MPND: variants seen among roughly 807,000 people sequenced by gnomAD.
MPND encodes MPN domain-containing protein.
MPND carries 56 observed loss-of-function variants against 59.2 expected under a neutral mutation model. The observed-to-expected ratio is 0.95, with a 90% CI of 0.76 to 1.18. The LOEUF (loss-of-function observed/expected upper bound fraction) is 1.18. Among genes scored for constraint, MPND ranks in the 50% most tolerant of loss-of-function variants. MPND has a pLI of 0.00. For synonymous variants in MPND, 323 were observed against 291.9 expected, an observed-to-expected ratio of 1.11 and a Z score of -1.09; for missense variants, 671 against 676.0, an observed-to-expected ratio of 0.99 and a Z score of 0.08.
chr19:4,357,187 C>T (rs985139404), intron 8 of MPND, 66 bp from the exon 9 acceptor site: 7 of 1,497,388 alleles, frequency 4.7e-6, no homozygotes, highest in Non-Finnish European at 5.3e-6. Context: ...CAGGGCTGGC[C>T]AGCCACATAA....
rs576975946 is a variant in MPND, at chr19:4,357,384, C to T, written c.1128C>T (p.Ser376=). 6.2e-7 allele frequency: 1 copy of T among 1,612,954 alleles called. No homozygotes were observed. Among genetic ancestry groups the T allele is most frequent in the South Asian group, 1.1e-5 (1 of 91,062 alleles). ...ACTACCAGCTGCGGCTGCAGGGCTC[C>T]AGCAATGGCTTCCAGCCCTGCCTCG... ...QMDYQLRLQG[S]SNGFQPCLAL... The change falls in exon 9 of 13, where the codon TCC becomes TCT. Residue 376 remains serine (S), a synonymous_variant. Transcript: ENST00000599840.
intron 3 of MPND, among the ~76,000 whole-genome samples, chr19:4,346,618 T>C (rs1397737385): frequency 1.3e-5 from 2 of 151,788 alleles, no homozygotes; most frequent in Admixed American, 6.6e-5. Context: ...GGTTTCACCA[T>C]GTTGCCTAGG....
At chr19:4,345,099 A>G (rs7245412) in intron 2 of MPND, among the ~76,000 whole-genome samples, 62,018 of 135,314 alleles carry the variant, frequency 0.46, 14,211 homozygotes, top group East Asian at 0.65. Context: ...CCAGGCTGGA[A>G]TGCAGTAGCA....
rs1972402265 is a variant in MPND at position 4,354,994 on chromosome 19, G to A, written c.892G>A (p.Gly298Arg). ...LTRSEVVGYL[G>R]GRWDVNSQML... ...ACGGAGTGAGGTCGTGGGTTACCTG[G>A]GGGGCCGCTGGGACGTCAACAGCCA... is the stretch of plus-strand genomic sequence containing the variant. The change falls in exon 7 of 13, where the codon GGG (glycine) becomes AGG (arginine). Residue 298 changes from glycine (G) to arginine (R), a missense_variant. Physicochemically the swap from Gly to Arg is moderately radical, Grantham distance 125. Transcript: ENST00000599840. The A allele has an allele frequency of 5.0e-6, 8 of 1,609,244 alleles. No individual in the cohort carries two copies. Among genetic ancestry groups the A allele is most frequent in the Non-Finnish European group, 6.8e-6 (8 of 1,176,970 alleles).
At chr19:4,359,850 G>A in intron 12 of MPND, 66 bp from the exon 13 acceptor site, 3 of 1,324,594 alleles carry the variant, frequency 2.3e-6, no homozygotes, top group Non-Finnish European at 3.1e-6. Context: ...TTGCACGGTG[G>A]ACTGTGAGGC....
At position 4,354,332 on chromosome 19, in the gene MPND, A is replaced by C. The variant is rs967925325; in HGVS notation, c.758A>C (p.His253Pro). ...LGSRDLARNP[H>P]TLVEVTSFAA... ...CCTCCTGGCCCCTACAGGAACCCCCACACCCTGGTGGAAGTAACATCCTTT... is the reference window on the plus strand; with the variant it reads ...CCTCCTGGCCCCTACAGGAACCCCCCCACCCTGGTGGAAGTAACATCCTTT... The change falls in exon 6 of 13, where the codon CAC (histidine) becomes CCC (proline). Residue 253 changes from histidine (H) to proline (P), a missense_variant. By Grantham distance (77) the His-to-Pro change is moderately conservative. Coordinates refer to ENST00000599840, the MANE Select transcript of MPND (RefSeq NM_001300862.2). 1 of 1,557,844 alleles carries C rather than the reference A, an allele frequency of 6.4e-7. No homozygotes were observed. The highest frequency in any genetic ancestry group is 8.7e-7 in the Non-Finnish European group (1 of 1,149,800).
Position 4,355,987 on chromosome 19 carries a change from A to AGTGCTG in MPND, c.996+815_996+816insTGCTGG, listed in dbSNP as rs144153994. 9.6e-3 allele frequency among the ~76,000 whole-genome samples: 1,442 copies of AGTGCTG among 150,488 alleles called. 30 individuals are homozygous for AGTGCTG. The highest frequency in any genetic ancestry group is 0.046 in the East Asian group (232 of 5,038). On this transcript the variant is annotated intron_variant, in intron 8 of 12. Transcript: ENST00000599840. ...TCCTGCCTCTGCCTCCTGAATACCT[A>AGTGCTG]GGATTACAGGTGTGCGCCACCATCT...
At chr19:4,358,302 C>A in intron 11 of MPND, 130 bp downstream of exon 11, 1 of 768,028 alleles carries the variant, frequency 1.3e-6, no homozygotes, top group Non-Finnish European at 2.2e-6. Context: ...TGGGTTAGGG[C>A]TTCTTCCATC....
At chr19:4,355,893 C>T (rs1171469186) in intron 8 of MPND, among the ~76,000 whole-genome samples, 3 of 149,040 alleles carry the variant, frequency 2.0e-5, no homozygotes, top group Non-Finnish European at 4.5e-5. Context: ...CTCGCTCTGT[C>T]GCCCAGGATG....
In MPND at chr19:4,349,547, G is replaced by T. The variant is rs1386271841; in HGVS notation, c.532-3350G>T. 3.7e-4 allele frequency among the ~76,000 whole-genome samples: 56 copies of T among 151,618 alleles called. 1 individual carries two copies. In the South Asian group the frequency reaches 0.011, roughly 31 times the overall value. On this transcript the variant is annotated intron_variant, in intron 3 of 12. Coordinates refer to ENST00000599840, the MANE Select transcript of MPND (RefSeq NM_001300862.2). ...TTTTTTGAGATGGAGTGTCGCTCTT[G>T]TTGCCCAGGCTGGAGCGCAATGGCG...
chr19:4,352,948 G>A lies in MPND; in HGVS notation c.583G>A (p.Glu195Lys). ...EEELLMEEEE[E>K]DVLAGVSAED... ...GGAGTTGCTGATGGAAGAGGAGGAG[G>A]AGGACGTTCTGGCAGGGGTCTCAGC... Residue 195 changes from glutamate (E) to lysine (K), a missense_variant, in exon 4 of 13, where the codon GAG becomes AAG. Glu to Lys is a moderately conservative substitution (Grantham distance 56). Transcript: ENST00000599840. The A allele has an allele frequency of 1.4e-6, 2 of 1,407,426 alleles. No individual in the cohort carries two copies. The highest frequency in any genetic ancestry group is 1.8e-5 in the South Asian group (1 of 55,078). 87.2% of individuals were successfully genotyped at this position (1,407,426 alleles called of 1,614,324 possible).
At chr19:4,347,686 GA>G in intron 3 of MPND, 1 of 484,202 alleles carries the variant, frequency 2.1e-6, no homozygotes, top group African/African-American at 2.0e-5. Flanking sequence ...GGACAGAAAG[GA>G]AATTCTACTC....
At chr19:4,346,346 G>T (rs1972185627) in intron 3 of MPND, among the ~76,000 whole-genome samples, 1 of 152,190 alleles carries the variant, frequency 6.6e-6, no homozygotes, top group African/African-American at 2.4e-5. Context: ...AACTTCAAAT[G>T]CTATGATAAT....
At chr19:4,354,712 A>G in intron 6 of MPND, 2 of 588,304 alleles carry the variant, frequency 3.4e-6, no homozygotes, top group African/African-American at 3.7e-5. Flanking sequence ...AAATATACAA[A>G]AATTAGCTGG....
chr19:4,358,879 G>A (rs1446043908), intron 11 of MPND, among the ~76,000 whole-genome samples: 1 of 152,176 alleles, frequency 6.6e-6, no homozygotes, highest in Non-Finnish European at 1.5e-5. Context: ...AGGGGGCCAC[G>A]TCAGGCCCGC....
chr19:4,354,853 G>T (rs964054270), intron 6 of MPND, 96 bp from the exon 7 acceptor site: 1 of 1,295,928 alleles, frequency 7.7e-7, no homozygotes, highest in Non-Finnish European at 1.1e-6. Context: ...GACAGAGCAA[G>T]ACTGAGTCTC....
chr19:4,359,105 C>G, intron 11 of MPND, 58 bp from the exon 12 acceptor site: 2 of 1,209,364 alleles, frequency 1.7e-6, no homozygotes, highest in Admixed American at 1.7e-5. Context: ...CCAGGAGAGG[C>G]GCTGAGGTAC....
intron 10 of MPND, 92 bp from the exon 11 acceptor site, chr19:4,357,991 T>C (rs1196365610): frequency 1.9e-6 from 2 of 1,051,598 alleles, no homozygotes; most frequent in Admixed American, 2.0e-5. Context: ...GTGTGCACTC[T>C]CCCGTTCCCA....
intron 3 of MPND, among the ~76,000 whole-genome samples, chr19:4,350,304 C>A (rs1972287607): frequency 6.6e-6 from 1 of 152,014 alleles, no homozygotes; most frequent in East Asian, 1.9e-4. Context: ...CAGGGCAGGT[C>A]ATGCAGGGCT....
Sources: allele counts gnomAD v4.1 joint callset (sites outside exome capture counted in the v4.1 genomes callset), GRCh38; gene constraint gnomAD v4.1.1; transcripts MANE v1.5; gene names NCBI Gene and HGNC (gene_info 2026-07-23, HGNC 2026-07-21).